The following MMP20 variants were observed in gnomAD, a reference collection of about 807,000 sequenced individuals.
The protein encoded by MMP20 is matrix metallopeptidase 20, also known as matrix metalloproteinase-20.
MMP20 carries 50 observed loss-of-function variants against 51.8 expected under a neutral mutation model. The ratio of observed to expected loss-of-function variants is 0.97; its 90% CI spans 0.77 to 1.22. The LOEUF is 1.22. Ranked by LOEUF, MMP20 falls within the 50% of genes most tolerant of loss-of-function variation. The pLI is 0.00. For missense variants in MMP20, 663 were observed against 601.4 expected, an observed-to-expected ratio of 1.10 and a Z score of -1.07; for synonymous variants, 244 against 216.2, an observed-to-expected ratio of 1.13 and a Z score of -1.13.
At chr11:102,610,315 T>C (rs961414792) in intron 3 of MMP20, among the ~76,000 whole-genome samples, 2 of 150,698 alleles carry the variant, frequency 1.3e-5, no homozygotes, top group African/African-American at 4.9e-5. Context: ...CATAGGATAC[T>C]GTGGACTTTG....
At chr11:102,583,024 C>T (rs1344323592) in intron 8 of MMP20, among the ~76,000 whole-genome samples, 1 of 152,150 alleles carries the variant, frequency 6.6e-6, no homozygotes, top group African/African-American at 2.4e-5. Flanking sequence ...AGTTCAAGAC[C>T]TGTATGTCCA....
At chr11:102,587,470 G>A (rs1338876632) in intron 8 of MMP20, among the ~76,000 whole-genome samples, 1 of 152,102 alleles carries the variant, frequency 6.6e-6, no homozygotes, top group Non-Finnish European at 1.5e-5. Context: ...GGTCTAGTTG[G>A]TTTACAGTAT....
intron 5 of MMP20, among the ~76,000 whole-genome samples, chr11:102,608,662 C>T (rs1859550998): frequency 6.7e-6 from 1 of 148,150 alleles, no homozygotes; most frequent in Non-Finnish European, 1.5e-5. Context: ...TGTGTAAATT[C>T]TAACCTGCAC....
intron 6 of MMP20, among the ~76,000 whole-genome samples, chr11:102,601,057 G>A (rs1442376301): frequency 2.0e-5 from 3 of 151,490 alleles, no homozygotes; most frequent in Non-Finnish European, 4.4e-5. Context: ...GATTAAATGA[G>A]TGAATATCTG....
At chr11:102,618,926 C>A (rs865979226) in intron 1 of MMP20, among the ~76,000 whole-genome samples, 40 of 152,142 alleles carry the variant, frequency 2.6e-4, no homozygotes, top group African/African-American at 8.7e-4. Flanking sequence ...TTACTCCCTG[C>A]CCTTCCTGTG....
chr11:102,589,409 C>T (rs1054558654), intron 8 of MMP20, among the ~76,000 whole-genome samples: 8 of 152,148 alleles, frequency 5.3e-5, no homozygotes, highest in African/African-American at 1.9e-4. Context: ...TATCAGAGCA[C>T]TTTTGGCACT....
intron 6 of MMP20, among the ~76,000 whole-genome samples, chr11:102,602,154 G>C (rs140403008): frequency 8.2e-6 from 1 of 121,378 alleles, no homozygotes; most frequent in African/African-American, 3.2e-5. Context: ...ATTTTTAGTA[G>C]AGACGGGGTT....
At chr11:102,596,497 G>T (rs1051828613) in intron 6 of MMP20, among the ~76,000 whole-genome samples, 8 of 152,198 alleles carry the variant, frequency 5.3e-5, no homozygotes, top group African/African-American at 1.9e-4. Flanking sequence ...ATTATAAACT[G>T]TAAGGTGCCA....
chr11:102,585,104 G>A (rs1052736723), intron 8 of MMP20, among the ~76,000 whole-genome samples: 11 of 152,072 alleles, frequency 7.2e-5, no homozygotes, highest in South Asian at 2.1e-4. Flanking sequence ...TTCTAGGCCC[G>A]TGAGTTTCGA....
chr11:102,597,029 T>C (rs1859389691), intron 6 of MMP20, among the ~76,000 whole-genome samples: 1 of 152,186 alleles, frequency 6.6e-6, no homozygotes, highest in Non-Finnish European at 1.5e-5. Context: ...CTCTTATAAG[T>C]TGCTGTGCTA....
intron 2 of MMP20, among the ~76,000 whole-genome samples, chr11:102,616,246 G>GTGAA (rs1222070630): frequency 6.6e-6 from 1 of 152,142 alleles, no homozygotes; most frequent in East Asian, 1.9e-4. Flanking sequence ...CTCTGTCCAT[G>GTGAA]TGAACTGTGG....
chr11:102,586,779 T>C (rs1859259811), intron 8 of MMP20, among the ~76,000 whole-genome samples: 2 of 151,976 alleles, frequency 1.3e-5, no homozygotes, highest in Non-Finnish European at 2.9e-5. Flanking sequence ...ATCATGCCAC[T>C]GTACTCCAGC....
At chr11:102,608,654 T>A (rs1213502615) in intron 5 of MMP20, among the ~76,000 whole-genome samples, 11 of 151,450 alleles carry the variant, frequency 7.3e-5, no homozygotes, top group Non-Finnish European at 8.8e-5. Context: ...TCTCCCAATG[T>A]GTAAATTCTA....
At chr11:102,602,085 G>A (rs1307876383) in intron 6 of MMP20, among the ~76,000 whole-genome samples, 2 of 146,556 alleles carry the variant, frequency 1.4e-5, no homozygotes, top group African/African-American at 5.0e-5. Context: ...GAGTAGCTGG[G>A]ATTACAGGCG....
At chr11:102,594,500 G>T in intron 7 of MMP20, 121 bp downstream of exon 7, 1 of 1,321,898 alleles carries the variant, frequency 7.6e-7, no homozygotes, top group East Asian at 2.5e-5. Context: ...CCAACCTGAG[G>T]ACAAAGAGCA....
At chr11:102,583,912 A>G (rs980629907) in intron 8 of MMP20, among the ~76,000 whole-genome samples, 1 of 152,200 alleles carries the variant, frequency 6.6e-6, no homozygotes, top group African/African-American at 2.4e-5. Flanking sequence ...TCTTTCACTT[A>G]GTATAATGCT....
intron 6 of MMP20, among the ~76,000 whole-genome samples, chr11:102,598,459 C>T (rs1859408739): frequency 6.6e-6 from 1 of 152,146 alleles, no homozygotes; most frequent in African/African-American, 2.4e-5. Context: ...TTCATGTACC[C>T]ACTATCTTAT....
chr11:102,623,284 C>T (rs552716007), intron 1 of MMP20, among the ~76,000 whole-genome samples: 34 of 152,286 alleles, frequency 2.2e-4, no homozygotes, highest in South Asian at 8.3e-4. Context: ...GGGCTGCACC[C>T]GGAAACCAGT....
At chr11:102,601,972 CG>C (rs1859451690) in intron 6 of MMP20, among the ~76,000 whole-genome samples, 1 of 137,604 alleles carries the variant, frequency 7.3e-6, no homozygotes, top group African/African-American at 2.8e-5. Context: ...TTTTTTGAGA[CG>C]GAGTCTTGCT....
Sources: gnomAD v4.1 joint callset for allele counts (sites outside exome capture counted in the v4.1 genomes callset) on GRCh38, gnomAD v4.1.1 for gene constraint, MANE v1.5 for transcripts, NCBI Gene and HGNC (gene_info 2026-07-23, HGNC 2026-07-21) for gene names.